The following LRP6 variants were observed in gnomAD, a reference collection of about 807,000 sequenced individuals.
The protein encoded by LRP6 is low-density lipoprotein receptor-related protein 6.
Under a neutral mutation model 184.1 loss-of-function variants are expected in LRP6, and 43 were observed. That is an observed-to-expected ratio of 0.23 (90% CI 0.18 to 0.30). LRP6 has a LOEUF of 0.30. Ranked by LOEUF, LRP6 falls within the 10% of genes least tolerant of loss-of-function variation. LRP6 has a pLI of 1.00. For missense variants in LRP6, 1,571 were observed against 2,005.3 expected (o/e 0.78, Z 4.14); for synonymous variants, 719 against 684.9 (o/e 1.05, Z -0.78).
intron 7 of LRP6, among the ~76,000 whole-genome samples, chr12:12,167,306 CTT>C (rs1862905611): frequency 6.6e-6 from 1 of 151,998 alleles, no homozygotes; most frequent in Non-Finnish European, 1.5e-5. Context: ...CAAATATAAG[CTT>C]TATCACTCAG....
At chr12:12,213,297 T>A (rs993185431) in intron 2 of LRP6, among the ~76,000 whole-genome samples, 1 of 152,158 alleles carries the variant, frequency 6.6e-6, no homozygotes, top group Non-Finnish European at 1.5e-5. Context: ...TTAATACATT[T>A]ATTTATTTTG....
At chr12:12,224,829 A>C (rs1864575020) in intron 2 of LRP6, among the ~76,000 whole-genome samples, 1 of 152,192 alleles carries the variant, frequency 6.6e-6, no homozygotes, top group Non-Finnish European at 1.5e-5. Context: ...ATACCAACAC[A>C]CAGGGAACTA....
At chr12:12,138,636 AG>A in intron 15 of LRP6, 102 bp from the exon 16 acceptor site, 7 of 1,290,916 alleles carry the variant, frequency 5.4e-6, no homozygotes, top group Non-Finnish European at 6.6e-6. Context: ...GGTAGAGAAA[AG>A]AAAAAAAAAA....
At chr12:12,241,494 A>G (rs149496177) in intron 2 of LRP6, among the ~76,000 whole-genome samples, 14 of 152,342 alleles carry the variant, frequency 9.2e-5, no homozygotes, top group African/African-American at 3.1e-4. Flanking sequence ...TTGTACATAT[A>G]TCAAATGTAT....
rs893413830 is a variant in LRP6, at chr12:12,266,801, C to G, written c.-66G>C. The G allele has an allele frequency of 8.1e-6, 11 of 1,355,766 alleles. No homozygotes were observed. The highest frequency in any genetic ancestry group is 5.7e-5 in the Admixed American group (3 of 52,392). 84.0% of individuals were successfully genotyped at this position (1,355,766 alleles called of 1,614,324 possible). A position where few individuals can be genotyped will look rare whatever the true frequency, so the allele number is the denominator to read the frequency against. On this transcript the variant is annotated 5_prime_UTR_variant, in exon 1 of 23. Coordinates refer to ENST00000261349, the MANE Select transcript of LRP6 (RefSeq NM_002336.3). ...GCCAGAAGTGGGGGAGGCGAGGAGC[C>G]GGGGCGGCCGCCGCAGCGGCAGGGC... is the stretch of plus-strand genomic sequence containing the variant.
chr12:12,119,009 A>C lies in LRP6; in HGVS notation c.*2117T>G, dbSNP rs1949557031. 1.3e-5 allele frequency: 2 copies of C among 152,202 alleles called. No individual in the cohort carries two copies. The highest frequency in any genetic ancestry group is 6.5e-5 in the Admixed American group (1 of 15,278). The allele number at this position is 152,202 out of a possible 1,614,324, so 9.4% of individuals were successfully genotyped here. On this transcript the variant is annotated 3_prime_UTR_variant, in exon 23 of 23. Coordinates refer to ENST00000261349, the MANE Select transcript of LRP6 (RefSeq NM_002336.3). ...TTGCTAACCTTTCCATCTTCATTTA[A>C]GCATCAAGTGCCCTGTGTATCACAG...
At chr12:12,136,245 A>C (rs1047978067) in intron 16 of LRP6, among the ~76,000 whole-genome samples, 3 of 152,194 alleles carry the variant, frequency 2.0e-5, no homozygotes, top group African/African-American at 7.2e-5. Flanking sequence ...GTATTATTCT[A>C]TTTAAAATAT....
Position 12,174,173 on chromosome 12 carries a change from C to A in LRP6, c.1545+5637G>T, listed in dbSNP as rs1863115026. Among the ~76,000 whole-genome samples the A allele has an allele frequency of 3.3e-5, 5 of 151,480 alleles. No homozygotes were observed. The South Asian group carries it at 1.0e-3, about 32-fold the overall frequency. On this transcript the variant is annotated intron_variant, in intron 7 of 22. Coordinates refer to ENST00000261349, the MANE Select transcript of LRP6 (RefSeq NM_002336.3). ...GTTGTCCATGCTGGAGTGCAGTGGC[C>A]TGATCTCGGCTCACTGCAACCTCCG...
intron 13 of LRP6, among the ~76,000 whole-genome samples, chr12:12,150,035 T>C (rs1950061152): frequency 6.6e-6 from 1 of 152,110 alleles, no homozygotes; most frequent in Non-Finnish European, 1.5e-5. Flanking sequence ...AGATGAGACA[T>C]AGTGAAAAAC....
intron 7 of LRP6, among the ~76,000 whole-genome samples, chr12:12,169,010 T>C (rs1862958696): frequency 6.6e-6 from 1 of 151,984 alleles, no homozygotes; most frequent in Admixed American, 6.6e-5. Flanking sequence ...AGGAGGACCA[T>C]TTGAGGTCAG....
At position 12,177,338 on chromosome 12, in the gene LRP6, T is replaced by G. The variant is rs528282101; in HGVS notation, c.1545+2472A>C. ...GGGTTAGATCAGTATCTGGAATCAG[T>G]TGCCACTAACAAAAGGCTAGCAAAT... is the stretch of plus-strand genomic sequence containing the variant. On this transcript the variant is annotated intron_variant, in intron 7 of 22. Coordinates refer to ENST00000261349, the MANE Select transcript of LRP6 (RefSeq NM_002336.3). Among the ~76,000 whole-genome samples, 218 of 152,322 alleles carry G rather than the reference T, an allele frequency of 1.4e-3. 1 individual carries two copies. The highest frequency in any genetic ancestry group is 4.8e-3 in the African/African-American group (200 of 41,576).
chr12:12,206,879 G>T (rs930331367), intron 2 of LRP6, among the ~76,000 whole-genome samples: 4 of 151,906 alleles, frequency 2.6e-5, no homozygotes, highest in African/African-American at 7.3e-5. Context: ...CTGAGGCCAG[G>T]TCTTCCAATA....
At chr12:12,215,823 C>T (rs1051771201) in intron 2 of LRP6, among the ~76,000 whole-genome samples, 5 of 151,530 alleles carry the variant, frequency 3.3e-5, no homozygotes, top group Non-Finnish European at 7.4e-5. Flanking sequence ...ACCAGCCTGG[C>T]TAACATGGTG....
At position 12,117,649 on chromosome 12, in the gene LRP6, A is replaced by G. The variant is rs1000417677; in HGVS notation, c.*3477T>C. 1 of 152,232 alleles carries G rather than the reference A, an allele frequency of 6.6e-6. No homozygotes were observed. Among genetic ancestry groups the G allele is most frequent in the Non-Finnish European group, 1.5e-5 (1 of 68,038 alleles). 9.4% of individuals were successfully genotyped at this position (152,232 alleles called of 1,614,324 possible). A position where few individuals can be genotyped will look rare whatever the true frequency, so the allele number is the denominator to read the frequency against. On this transcript the variant is annotated 3_prime_UTR_variant, in exon 23 of 23. Transcript: ENST00000261349. ...GCATACCTCTTCAGTCTCTATTATG[A>G]CTACTGGTATCAAGTCACATAAATA...
chr12:12,137,497 C>T (rs1480814206), intron 16 of LRP6, among the ~76,000 whole-genome samples: 8 of 152,008 alleles, frequency 5.3e-5, no homozygotes, highest in African/African-American at 1.9e-4. Flanking sequence ...ATATTTATCC[C>T]AAAGGGGGGG....
intron 2 of LRP6, among the ~76,000 whole-genome samples, chr12:12,209,772 T>G (rs142483988): frequency 6.6e-6 from 1 of 152,192 alleles, no homozygotes; most frequent in African/African-American, 2.4e-5. Context: ...CTAAGCACCA[T>G]GCCTGATACA....
Position 12,120,143 on chromosome 12 carries a change from T to C in LRP6, c.*983A>G, listed in dbSNP as rs1486776248. The C allele has an allele frequency of 3.3e-5, 5 of 150,482 alleles. No individual in the cohort carries two copies. Among genetic ancestry groups the C allele is most frequent in the Admixed American group, 6.6e-5 (1 of 15,116 alleles). The allele number at this position is 150,482 out of a possible 1,614,324, so 9.3% of individuals were successfully genotyped here. ...ATTTTTAATTCTTAAACATTGTCTATATGTGTTGTAAAAAGACATTTTAAT... is the reference window on the plus strand; with the variant it reads ...ATTTTTAATTCTTAAACATTGTCTACATGTGTTGTAAAAAGACATTTTAAT... On this transcript the variant is annotated 3_prime_UTR_variant, in exon 23 of 23. Coordinates refer to ENST00000261349, the MANE Select transcript of LRP6 (RefSeq NM_002336.3).
intron 10 of LRP6, among the ~76,000 whole-genome samples, chr12:12,160,932 G>C (rs1041795233): frequency 6.6e-6 from 1 of 152,226 alleles, no homozygotes; most frequent in Admixed American, 6.5e-5. Flanking sequence ...CCTGTCAGCT[G>C]ATAGCTGACT....
At chr12:12,138,789 G>T (rs765799828) in intron 15 of LRP6, 5 of 1,467,032 alleles carry the variant, frequency 3.4e-6, no homozygotes, top group African/African-American at 2.8e-5. Context: ...ATGTAGAAAA[G>T]AACTTAGAAC....
Sources: allele counts gnomAD v4.1 joint callset (sites outside exome capture counted in the v4.1 genomes callset), GRCh38; gene constraint gnomAD v4.1.1; transcripts MANE v1.5; gene names NCBI Gene and HGNC (gene_info 2026-07-23, HGNC 2026-07-21).